Variants in PPM1H observed in about 807,000 individuals in gnomAD.
PPM1H encodes protein phosphatase, Mg2+/Mn2+ dependent 1H.
PPM1H carries 27 observed loss-of-function variants against 54.9 expected under a neutral mutation model. The observed-to-expected ratio is 0.49, with a 90% CI of 0.36 to 0.68. PPM1H has a LOEUF of 0.68. Ranked by LOEUF, PPM1H falls within the 30% of genes least tolerant of loss-of-function variation. The pLI, the probability that PPM1H is intolerant of heterozygous loss-of-function variation, is 0.00. For synonymous variants in PPM1H, 305 were observed against 270.8 expected (o/e 1.13, Z -1.24); for missense variants, 596 against 667.8 (o/e 0.89, Z 1.19).
At position 62,667,232 on chromosome 12, in the gene PPM1H, ACTT is replaced by A; in HGVS notation, c.1340_1342del (p.Glu447del). ...AAGAAACTGAGTGATTGCTTCTGCT[ACTT>A]CTTCATTTGATAAAACGTCCCAGAG... On this transcript the variant is annotated inframe_deletion, in exon 9 of 10. Coordinates refer to ENST00000228705, the MANE Select transcript of PPM1H (RefSeq NM_020700.2). The A allele has an allele frequency of 1.2e-6, 2 of 1,600,160 alleles. No homozygotes were observed. Among genetic ancestry groups the A allele is most frequent in the South Asian group, 1.1e-5 (1 of 90,686 alleles).
intron 6 of PPM1H, among the ~76,000 whole-genome samples, chr12:62,707,204 T>C (rs1241105065): frequency 6.6e-6 from 1 of 152,240 alleles, no homozygotes; most frequent in Non-Finnish European, 1.5e-5. Flanking sequence ...ATTTATACTA[T>C]GTGTGAAGCC....
At chr12:62,918,008 G>A (rs1871676879) in intron 1 of PPM1H, among the ~76,000 whole-genome samples, 1 of 152,214 alleles carries the variant, frequency 6.6e-6, no homozygotes, top group African/African-American at 2.4e-5. Flanking sequence ...AATTTGTAAT[G>A]TATACAAATA....
At chr12:62,877,060 GA>G (rs973941181) in intron 1 of PPM1H, among the ~76,000 whole-genome samples, 4 of 151,834 alleles carry the variant, frequency 2.6e-5, no homozygotes, top group African/African-American at 9.7e-5. Context: ...TCTAATCTCA[GA>G]AAAAAAAGTT....
At chr12:62,836,873 C>G (rs1025359005) in intron 1 of PPM1H, among the ~76,000 whole-genome samples, 1 of 152,124 alleles carries the variant, frequency 6.6e-6, no homozygotes, top group Non-Finnish European at 1.5e-5. Flanking sequence ...AACCTACCAG[C>G]CTACCTTCAA....
intron 1 of PPM1H, among the ~76,000 whole-genome samples, chr12:62,846,085 G>A (rs922934386): frequency 3.9e-5 from 6 of 152,180 alleles, no homozygotes; most frequent in Non-Finnish European, 7.4e-5. Flanking sequence ...CTAACCTGTC[G>A]TCTCTTCTTA....
intron 1 of PPM1H, among the ~76,000 whole-genome samples, chr12:62,925,774 T>C (rs1871952987): frequency 1.3e-5 from 2 of 152,216 alleles, no homozygotes; most frequent in Admixed American, 6.5e-5. Flanking sequence ...TATGGCATTT[T>C]TGGGGCAGTT....
chr12:62,743,188 TAA>T (rs1050645025), intron 4 of PPM1H, among the ~76,000 whole-genome samples: 3 of 151,800 alleles, frequency 2.0e-5, no homozygotes, highest in Admixed American at 6.6e-5. Flanking sequence ...CCATCTCTAC[TAA>T]AAAAATACAA....
intron 1 of PPM1H, among the ~76,000 whole-genome samples, chr12:62,870,389 A>C (rs1036471050): frequency 2.0e-5 from 3 of 152,178 alleles, no homozygotes; most frequent in African/African-American, 7.2e-5. Flanking sequence ...TGCTCCAGAC[A>C]AAGCAGAAGA....
At chr12:62,829,160 C>T (rs1307977231) in intron 2 of PPM1H, among the ~76,000 whole-genome samples, 2 of 152,182 alleles carry the variant, frequency 1.3e-5, no homozygotes, top group African/African-American at 4.8e-5. Flanking sequence ...ATGTTCACGA[C>T]AGCATTATTC....
chr12:62,908,521 T>C (rs771987), intron 1 of PPM1H, among the ~76,000 whole-genome samples: 96,025 of 151,940 alleles, frequency 0.63, 30,969 homozygotes, highest in Non-Finnish European at 0.68. Context: ...AGTTATTTAC[T>C]ATCTGCACTC....
At chr12:62,741,960 TG>T (rs1318986970) in intron 4 of PPM1H, among the ~76,000 whole-genome samples, 3 of 151,922 alleles carry the variant, frequency 2.0e-5, no homozygotes, top group Non-Finnish European at 4.4e-5. Flanking sequence ...TACGCCTTTT[TG>T]TTGGTTTTGC....
chr12:62,780,265 G>A (rs1054688593), intron 4 of PPM1H, among the ~76,000 whole-genome samples: 2 of 152,136 alleles, frequency 1.3e-5, no homozygotes, highest in Non-Finnish European at 2.9e-5. Context: ...TTAAAAAAAT[G>A]TGAACCATTG....
Position 62,647,104 on chromosome 12 carries a change from A to ATAATC in PPM1H, c.*1380_*1384dup, listed in dbSNP as rs1386788745. On this transcript the variant is annotated 3_prime_UTR_variant, in exon 10 of 10. Coordinates refer to ENST00000228705, the MANE Select transcript of PPM1H (RefSeq NM_020700.2). ...TGCCTAAGAGACAGAAGTGAGTTTT[A>ATAATC]TAATCTACTTGGCCATTCCTCCCAG... is the stretch of plus-strand genomic sequence containing the variant. The ATAATC allele has an allele frequency of 4.6e-5, 7 of 152,218 alleles. No individual in the cohort carries two copies. Among genetic ancestry groups the ATAATC allele is most frequent in the East Asian group, 1.9e-4 (1 of 5,198 alleles). 9.4% of individuals were successfully genotyped at this position (152,218 alleles called of 1,614,324 possible). A position where few individuals can be genotyped will look rare whatever the true frequency, so the allele number is the denominator to read the frequency against.
At chr12:62,919,462 A>ATT (rs1871724770) in intron 1 of PPM1H, among the ~76,000 whole-genome samples, 2 of 152,098 alleles carry the variant, frequency 1.3e-5, no homozygotes, top group South Asian at 4.1e-4. Flanking sequence ...AATGACTAAC[A>ATT]TTGTGGGCAA....
At chr12:62,847,324 G>T (rs904727357) in intron 1 of PPM1H, among the ~76,000 whole-genome samples, 1 of 152,130 alleles carries the variant, frequency 6.6e-6, no homozygotes, top group African/African-American at 2.4e-5. Flanking sequence ...AATTTCCCTT[G>T]AATGGCTGTC....
At chr12:62,658,109 G>A (rs1353420033) in intron 9 of PPM1H, among the ~76,000 whole-genome samples, 1 of 144,414 alleles carries the variant, frequency 6.9e-6, no homozygotes, top group African/African-American at 2.5e-5. Context: ...GCTCACACCT[G>A]CAATCCCAGC....
chr12:62,882,296 T>C (rs1300875901), intron 1 of PPM1H, among the ~76,000 whole-genome samples: 1 of 152,212 alleles, frequency 6.6e-6, no homozygotes, highest in Non-Finnish European at 1.5e-5. Flanking sequence ...TACAGAGGCT[T>C]TACATACCAG....
rs192015478 is a variant in PPM1H at position 62,709,931 on chromosome 12, G to A, written c.1073+10240C>T. 2.4e-3 allele frequency among the ~76,000 whole-genome samples: 370 copies of A among 152,226 alleles called. 5 individuals carry two copies. Among genetic ancestry groups the A allele is most frequent in the Admixed American group, 0.022 (336 of 15,286 alleles). On this transcript the variant is annotated intron_variant, in intron 6 of 9. Transcript: ENST00000228705. Reference sequence around the variant, plus strand: ...ACTAAAAATACAAAATTAGCTGGGCGTGGTGGCACATGCCTGTAATCCCAG... The same window carrying A: ...ACTAAAAATACAAAATTAGCTGGGCATGGTGGCACATGCCTGTAATCCCAG...
intron 1 of PPM1H, among the ~76,000 whole-genome samples, chr12:62,860,170 AAGG>A (rs936626616): frequency 8.5e-5 from 13 of 152,120 alleles, no homozygotes; most frequent in African/African-American, 2.9e-4. Context: ...TGGTGGTGGG[AAGG>A]AGGAGTGCAA....
Sources: gnomAD v4.1 joint callset for allele counts (sites outside exome capture counted in the v4.1 genomes callset) on GRCh38, gnomAD v4.1.1 for gene constraint, MANE v1.5 for transcripts, NCBI Gene and HGNC (gene_info 2026-07-23, HGNC 2026-07-21) for gene names.